Variants in COL18A1 observed in about 807,000 individuals in gnomAD.
COL18A1 encodes the protein collagen alpha-1(XVIII) chain.
In COL18A1, 133 loss-of-function variants were observed where a neutral mutation model predicts 168.0. That is an observed-to-expected ratio of 0.79 (90% CI 0.69 to 0.91). The LOEUF (loss-of-function observed/expected upper bound fraction) is 0.91. Among genes scored for constraint, COL18A1 ranks in the 40% least tolerant of loss-of-function variants. COL18A1 has a pLI of 0.00. For missense variants in COL18A1, 2,126 were observed against 1,925.4 expected, an observed-to-expected ratio of 1.10 and a Z score of -1.95; for synonymous variants, 949 against 809.0, an observed-to-expected ratio of 1.17 and a Z score of -2.94.
rs529328722 is a variant in COL18A1 at position 45,511,285 on chromosome 21, G to A, written c.3809+59G>A. Reference sequence around the variant, plus strand: ...AGCCCCAGCCAGGGAAGGCGGGCGGGCGGGCTCCTATCTGCAGTTTCCCCC... The same window carrying A: ...AGCCCCAGCCAGGGAAGGCGGGCGGACGGGCTCCTATCTGCAGTTTCCCCC... On this transcript the variant is annotated intron_variant, in intron 41 of 41. Coordinates refer to ENST00000651438, the MANE Select transcript of COL18A1 (RefSeq NM_001379500.1). 15 of 920,632 alleles carry A rather than the reference G, an allele frequency of 1.6e-5. No individual in the cohort carries two copies. In the Admixed American group the frequency reaches 1.8e-4, roughly 11 times the overall value. 57.0% of individuals were successfully genotyped at this position (920,632 alleles called of 1,614,324 possible).
At chr21:45,511,449 C>T (rs1016493801) in intron 41 of COL18A1, among the ~76,000 whole-genome samples, 5 of 152,170 alleles carry the variant, frequency 3.3e-5, no homozygotes, top group Non-Finnish European at 7.3e-5. Context: ...AAGAAGGCCC[C>T]GAAGGTGCCC....
chr21:45,445,435 C>T (rs1199794935), intron 2 of COL18A1, among the ~76,000 whole-genome samples: 1 of 152,198 alleles, frequency 6.6e-6, no homozygotes, highest in African/African-American at 2.4e-5. Context: ...GTACAAGTTT[C>T]AGTGTGGACG....
chr21:45,456,707 C>T, intron 2 of COL18A1: 1 of 1,533,268 alleles, frequency 6.5e-7, no homozygotes. Flanking sequence ...CTGCCTGCTG[C>T]TGGTCCCCCC....
At chr21:45,496,663 C>T (rs1224996420) in intron 30 of COL18A1, 95 bp downstream of exon 30, 13 of 776,570 alleles carry the variant, frequency 1.7e-5, no homozygotes, top group Admixed American at 5.2e-5. Context: ...CTGGCCTCTG[C>T]GTCTGGGGGT....
chr21:45,416,243 A>G (rs948894850), intron 2 of COL18A1, among the ~76,000 whole-genome samples: 6 of 152,198 alleles, frequency 3.9e-5, no homozygotes, highest in African/African-American at 1.4e-4. Context: ...GGTCAGGAGC[A>G]GTAGGGCCGG....
chr21:45,508,496 TGGA>T (rs2037383070), intron 38 of COL18A1, among the ~76,000 whole-genome samples: 1 of 144,078 alleles, frequency 6.9e-6, no homozygotes, highest in African/African-American at 2.8e-5. Context: ...GGTGGGTGGA[TGGA>T]TGGTGGGTAA....
intron 2 of COL18A1, among the ~76,000 whole-genome samples, chr21:45,412,808 T>C (rs2033337842): frequency 6.6e-6 from 1 of 152,196 alleles, no homozygotes; most frequent in African/African-American, 2.4e-5. Flanking sequence ...TCTGCCTTTG[T>C]GGATATGGAA....
At chr21:45,427,624 T>C (rs1331538325) in intron 2 of COL18A1, among the ~76,000 whole-genome samples, 1 of 152,028 alleles carries the variant, frequency 6.6e-6, no homozygotes, top group African/African-American at 2.4e-5. Flanking sequence ...CCAGGTGGGG[T>C]GGGCAGGCCG....
At chr21:45,496,210 G>A (rs966896849) in intron 29 of COL18A1, 1 of 622,096 alleles carries the variant, frequency 1.6e-6, no homozygotes, top group Non-Finnish European at 3.0e-6. Context: ...ATGTCAGCAG[G>A]GTGGGGCATT....
rs2150442 is a variant in COL18A1 at position 45,495,692 on chromosome 21, A to C, written c.2508+260A>C. ...TATACACATGCATCTATGCACATAC[A>C]TGCCCATACACACGCGCACACATAC... On this transcript the variant is annotated intron_variant, in intron 29 of 41. Transcript: ENST00000651438. The C allele has an allele frequency of 6.5e-3, 3,095 of 473,748 alleles. 90 individuals carry two copies. Among genetic ancestry groups the C allele is most frequent in the African/African-American group, 0.058 (2,777 of 47,954 alleles). The allele number at this position is 473,748 out of a possible 1,614,324, so 29.3% of individuals were successfully genotyped here. A position where few individuals can be genotyped will look rare whatever the true frequency, so the allele number is the denominator to read the frequency against.
At position 45,469,567 on chromosome 21, in the gene COL18A1, G is replaced by T. The variant is rs75607956; in HGVS notation, c.651+781G>T. Among the ~76,000 whole-genome samples, 363 of 152,276 alleles carry T rather than the reference G, an allele frequency of 2.4e-3. 2 individuals carry two copies. The highest frequency in any genetic ancestry group is 8.2e-3 in the African/African-American group (342 of 41,550). ...AGTGGGCCTTCATTTCTTGGGGTTG[G>T]GGGGGTGGACAGATCCCTAAACCCA... is the stretch of plus-strand genomic sequence containing the variant. On this transcript the variant is annotated intron_variant, in intron 3 of 41. Transcript: ENST00000651438.
At chr21:45,429,547 TC>T (rs2033898021) in intron 2 of COL18A1, among the ~76,000 whole-genome samples, 1 of 152,306 alleles carries the variant, frequency 6.6e-6, no homozygotes, top group African/African-American at 2.4e-5. Context: ...AGGCTCCACT[TC>T]CTGTCTCCTC....
intron 30 of COL18A1, 125 bp from the exon 31 acceptor site, chr21:45,496,925 C>A: frequency 1.4e-6 from 1 of 730,764 alleles, no homozygotes; most frequent in Non-Finnish European, 2.5e-6. Context: ...CCGTCTCTGA[C>A]TGGGGGAGGC....
At chr21:45,437,650 C>A (rs1254971915) in intron 2 of COL18A1, among the ~76,000 whole-genome samples, 1 of 51,824 alleles carries the variant, frequency 1.9e-5, no homozygotes, top group Non-Finnish European at 3.3e-5. Flanking sequence ...AGGCACTCTC[C>A]TGCACACACA....
Position 45,423,311 on chromosome 21 carries a change from C to G in COL18A1, c.106+17838C>G, listed in dbSNP as rs1374897983. On this transcript the variant is annotated intron_variant, in intron 2 of 41. Coordinates refer to ENST00000651438, the MANE Select transcript of COL18A1 (RefSeq NM_001379500.1). The surrounding 1 kb of genome is among the most constrained non-coding windows in gnomAD (Gnocchi z 4.0). ...CCCTGAGTGTTGGCTGGTCCACTTC[C>G]TGAGCGTTGGCCAGCTGCCCTTGCT... Among the ~76,000 whole-genome samples, 1 of 152,340 alleles carries G rather than the reference C, an allele frequency of 6.6e-6. No homozygotes were observed.
intron 9 of COL18A1, 21 bp from the exon 10 acceptor site, chr21:45,479,881 C>T: frequency 2.5e-6 from 4 of 1,613,246 alleles, no homozygotes; most frequent in South Asian, 1.1e-5. Flanking sequence ...CCTGACCGGG[C>T]CCCCGGATGT....
At chr21:45,422,585 C>T (rs78833614) in intron 2 of COL18A1, 18,350 of 468,834 alleles carry the variant, frequency 0.039, 1,099 homozygotes, top group East Asian at 0.19. Flanking sequence ...CCGTCCTGTG[C>T]GGGTCTCAGG....
At chr21:45,450,365 G>A (rs1330383877) in intron 2 of COL18A1, among the ~76,000 whole-genome samples, 1 of 152,166 alleles carries the variant, frequency 6.6e-6, no homozygotes, top group Admixed American at 6.5e-5. Context: ...GAGACCCGCG[G>A]AGAGGCAGCC....
At chr21:45,476,884 T>C (rs2035687536) in intron 6 of COL18A1, among the ~76,000 whole-genome samples, 1 of 150,978 alleles carries the variant, frequency 6.6e-6, no homozygotes, top group Non-Finnish European at 1.5e-5. Context: ...GTGATGTGCA[T>C]GTGTAATGTA....
Sources: gnomAD v4.1 joint callset for allele counts (sites outside exome capture counted in the v4.1 genomes callset) on GRCh38, gnomAD v4.1.1 for gene constraint, Gnocchi (gnomAD v3.1) non-coding constraint, MANE v1.5 for transcripts, NCBI Gene and HGNC (gene_info 2026-07-23, HGNC 2026-07-21) for gene names.